The following UBA7 variants were observed in gnomAD, a reference collection of about 807,000 sequenced individuals.
UBA7 encodes the protein ubiquitin like modifier activating enzyme 7.
A neutral mutation model predicts 113.0 loss-of-function variants in UBA7; 88 were observed. That is an observed-to-expected ratio of 0.78 (90% CI 0.66 to 0.93). The LOEUF is 0.93. Ranked by LOEUF, UBA7 falls within the 40% of genes least tolerant of loss-of-function variation. UBA7 has a pLI of 0.00. For missense variants in UBA7, 1,092 were observed against 1,266.4 expected, an observed-to-expected ratio of 0.86 and a Z score of 2.09; for synonymous variants, 459 against 513.0, an observed-to-expected ratio of 0.89 and a Z score of 1.42.
rs114468755 is a variant in UBA7, at chr3:49,807,737, G to C, written c.2714C>G (p.Thr905Arg). 6.2e-7 allele frequency: 1 copy of C among 1,604,550 alleles called. No homozygotes were observed. Among genetic ancestry groups the C allele is most frequent in the South Asian group, 1.1e-5 (1 of 89,334 alleles). Residue 905 changes from threonine to arginine, a missense_variant and splice_region_variant, in exon 21 of 24, where the codon ACG becomes AGG. Physicochemically the swap from Thr to Arg is moderately conservative, Grantham distance 71. Coordinates refer to ENST00000333486, the MANE Select transcript of UBA7 (RefSeq NM_003335.3). The surrounding 1 kb of genome is among the most constrained non-coding windows in gnomAD (Gnocchi z 4.0). ...AAGGGTGGGGTATCATGGGCTCACC[G>C]TCTGGATGGCTGGGGCAAAAGGCAT... ...RYMPFAPAIQTFHHLKWTSWD... is the reference protein window; with the variant it reads ...RYMPFAPAIQRFHHLKWTSWD...
In UBA7 at chr3:49,813,494, G is replaced by A. The variant is rs760216441; in HGVS notation, c.210C>T (p.Ser70=). The A allele has an allele frequency of 2.9e-5, 46 of 1,613,654 alleles. No individual in the cohort carries two copies. The highest frequency in any genetic ancestry group is 3.6e-5 in the Non-Finnish European group (43 of 1,179,914). Residue 70 remains serine, a synonymous_variant, in exon 2 of 24, where the codon TCC becomes TCT. Transcript: ENST00000333486. ...TLHDPHPTCW[S]DLAAQFLLSE... ...GGACACTTACCTGGGCAGCCAGGTC[G>A]GACCAGCAGGTGGGGTGGGGATCAT...
At position 49,810,981 on chromosome 3, in the gene UBA7, C is replaced by T. The variant is rs28535523; in HGVS notation, c.1230+3G>A. On this transcript the variant is annotated splice_donor_region_variant and intron_variant, in intron 10 of 23. Transcript: ENST00000333486. This position sits in a 1 kb window ranked among gnomAD's most constrained non-coding sequence, Gnocchi z 5.6. Reference sequence around the variant, plus strand: ...GGCTTGCACCCCTATCCCAGGCTCTCACCAGGGCACAGTCCTCAGGACTGG... The same window carrying T: ...GGCTTGCACCCCTATCCCAGGCTCTTACCAGGGCACAGTCCTCAGGACTGG... The T allele has an allele frequency of 0.16, 259,343 of 1,613,772 alleles. 22,770 individuals are homozygous for T. The highest frequency in any genetic ancestry group is 0.24 in the African/African-American group (18,368 of 74,976).
rs2081580757 is a variant in UBA7 at position 49,813,385 on chromosome 3, T to C, written c.226-2A>G. 1.2e-6 allele frequency: 2 copies of C among 1,613,172 alleles called. No homozygotes were observed. Among genetic ancestry groups the C allele is most frequent in the Non-Finnish European group, 1.7e-6 (2 of 1,179,504 alleles). Reference sequence around the variant, plus strand: ...CAAGTCCTGCTCTGAGAGGAGAAACTAGGGAGAGAGCCAGTGCAGCCTGAG... The same window carrying C: ...CAAGTCCTGCTCTGAGAGGAGAAACCAGGGAGAGAGCCAGTGCAGCCTGAG... On this transcript the variant is annotated splice_acceptor_variant, in intron 2 of 23. Coordinates refer to ENST00000333486, the MANE Select transcript of UBA7 (RefSeq NM_003335.3). LOFTEE classifies it high-confidence loss of function.
chr3:49,807,141 A>T lies in UBA7; in HGVS notation c.2715+595T>A, dbSNP rs954597185. Among the ~76,000 whole-genome samples the T allele has an allele frequency of 2.6e-5, 4 of 152,128 alleles. No homozygotes were observed. The highest frequency in any genetic ancestry group is 4.4e-5 in the Non-Finnish European group (3 of 67,998). On this transcript the variant is annotated intron_variant, in intron 21 of 23. Coordinates refer to ENST00000333486, the MANE Select transcript of UBA7 (RefSeq NM_003335.3). The surrounding 1 kb of genome is among the most constrained non-coding windows in gnomAD (Gnocchi z 4.0). Reference sequence around the variant, plus strand: ...CACATGTGTGCCCACATGCATCTCCATGCATGCCCACATTGAGGACACAGG... The same window carrying T: ...CACATGTGTGCCCACATGCATCTCCTTGCATGCCCACATTGAGGACACAGG...
At position 49,807,363 on chromosome 3, in the gene UBA7, C is replaced by T. The variant is rs7619572; in HGVS notation, c.2715+373G>A. Among the ~76,000 whole-genome samples, 505 of 152,290 alleles carry T rather than the reference C, an allele frequency of 3.3e-3. 5 individuals are homozygous for T. The highest frequency in any genetic ancestry group is 0.011 in the African/African-American group (465 of 41,554). On this transcript the variant is annotated intron_variant, in intron 21 of 23. Coordinates refer to ENST00000333486, the MANE Select transcript of UBA7 (RefSeq NM_003335.3). The surrounding 1 kb of genome is among the most constrained non-coding windows in gnomAD (Gnocchi z 4.0). The stretch of plus-strand genomic sequence containing the variant: ...CTTGTAGGAGGTAGGCCAGGGCCCC[C>T]GTACCATGCAGGGGGAAGCTAGACT...
In UBA7 at chr3:49,807,736, C is replaced by G. The variant is rs1205522616; in HGVS notation, c.2715G>C (p.Thr905=). The G allele has an allele frequency of 6.2e-7, 1 of 1,603,240 alleles. No individual in the cohort carries two copies. Among genetic ancestry groups the G allele is most frequent in the Admixed American group, 1.7e-5 (1 of 59,378 alleles). The change falls in exon 21 of 24, where the codon ACG becomes ACC. Residue 905 remains threonine, a splice_region_variant and synonymous_variant. Coordinates refer to ENST00000333486, the MANE Select transcript of UBA7 (RefSeq NM_003335.3). This position sits in a 1 kb window ranked among gnomAD's most constrained non-coding sequence, Gnocchi z 4.0. Reference sequence around the variant, plus strand: ...TAAGGGTGGGGTATCATGGGCTCACCGTCTGGATGGCTGGGGCAAAAGGCA... The same window carrying G: ...TAAGGGTGGGGTATCATGGGCTCACGGTCTGGATGGCTGGGGCAAAAGGCA... ...RYMPFAPAIQ[T]FHHLKWTSWD...
chr3:49,812,723 G>A lies in UBA7; in HGVS notation c.483C>T (p.Asp161=), dbSNP rs540966234. 3 of 1,614,220 alleles carry A rather than the reference G, an allele frequency of 1.9e-6. No individual in the cohort carries two copies. Among genetic ancestry groups the A allele is most frequent in the African/African-American group, 2.7e-5 (2 of 75,056 alleles). Residue 161 remains aspartate (D), a synonymous_variant, in exon 5 of 24, where the codon GAC becomes GAT. Coordinates refer to ENST00000333486, the MANE Select transcript of UBA7 (RefSeq NM_003335.3). ...TRGLVGQLFC[D]FGEDFTVQDP... is the part of the protein sequence containing the mutation. The stretch of plus-strand genomic sequence containing the variant: ...CCTGCACAGTGAAGTCCTCACCAAA[G>A]TCACAGAACAACTGCCTGAGATGGG...
In UBA7 at chr3:49,812,428, G is replaced by A. The variant is rs1462351736; in HGVS notation, c.674C>T (p.Pro225Leu). The A allele has an allele frequency of 1.2e-6, 2 of 1,614,098 alleles. No homozygotes were observed. Among genetic ancestry groups the A allele is most frequent in the Non-Finnish European group, 1.7e-6 (2 of 1,180,048 alleles). ...EGMVELNDCD[P>L]RSIHVREDGS... is the part of the protein sequence containing the mutation. ...CTTACCCCGCACGTGGATAGACCGGGGATCACAGTCGTTGAGCTCAACCAT... is the reference window on the plus strand; with the variant it reads ...CTTACCCCGCACGTGGATAGACCGGAGATCACAGTCGTTGAGCTCAACCAT... The change falls in exon 6 of 24, where the codon CCC becomes CTC. Residue 225 changes from proline to leucine, a missense_variant. Physicochemically the swap from Pro to Leu is moderately conservative, Grantham distance 98. This residue lies in a region of UBA7 where 584 missense variants were observed against 714.5 expected (regional missense o/e 0.82). Transcript: ENST00000333486.
chr3:49,811,389 G>T lies in UBA7; in HGVS notation c.1006C>A (p.Pro336Thr). ...GCCTCATCCAGTGGCTCTTCCAGTG[G>T]CTCTTCCTCTGTCCGCTTCAGTGGT... Reference protein sequence around the residue: ...LEPLKRTEEEPLEEPLDEALV... With the variant: ...LEPLKRTEEETLEEPLDEALV... Residue 336 changes from proline (P) to threonine (T), a missense_variant, in exon 9 of 24, where the codon CCA (proline) becomes ACA (threonine). Physicochemically the swap from Pro to Thr is conservative, Grantham distance 38. This residue lies in a region of UBA7 where 584 missense variants were observed against 714.5 expected (regional missense o/e 0.82). Coordinates refer to ENST00000333486, the MANE Select transcript of UBA7 (RefSeq NM_003335.3). The T allele has an allele frequency of 6.2e-7, 1 of 1,613,158 alleles. No individual in the cohort carries two copies. The highest frequency in any genetic ancestry group is 8.5e-7 in the Non-Finnish European group (1 of 1,179,640).
Position 49,806,149 on chromosome 3 carries a change from C to A in UBA7, c.2732G>T (p.Trp911Leu). ...PAIQTFHHLK[W>L]TSWDRLKVPA... is the part of the protein sequence containing the mutation. The stretch of plus-strand genomic sequence containing the variant: ...TACCTTCAGACGGTCCCAAGAGGTC[C>A]ACTTCAGGTGATGGAACTGGGATGA... Residue 911 changes from tryptophan to leucine, a missense_variant, in exon 22 of 24, where the codon TGG (tryptophan) becomes TTG (leucine). Around this residue, in one of 3 missense-constraint regions of UBA7, gnomAD observed 500 missense variants for 529.3 expected, o/e 0.94. Transcript: ENST00000333486. 1 of 1,600,614 alleles carries A rather than the reference C, an allele frequency of 6.2e-7. No individual in the cohort carries two copies. Among genetic ancestry groups the A allele is most frequent in the East Asian group, 2.2e-5 (1 of 44,470 alleles).
Position 49,809,371 on chromosome 3 carries a change from C to T in UBA7, c.2163+19G>A, listed in dbSNP as rs2081504555. On this transcript the variant is annotated intron_variant, in intron 17 of 23. Transcript: ENST00000333486. ...GGGCCACATCTCTATCTTGGAGCTCCCTACAGAATCCCACTCACTTGGTTG... is the reference window on the plus strand; with the variant it reads ...GGGCCACATCTCTATCTTGGAGCTCTCTACAGAATCCCACTCACTTGGTTG... 6.2e-7 allele frequency: 1 copy of T among 1,612,896 alleles called. No homozygotes were observed. The highest frequency in any genetic ancestry group is 1.7e-5 in the Admixed American group (1 of 59,904).
intron 4 of UBA7, 61 bp downstream of exon 4, chr3:49,813,001 G>C: frequency 6.4e-7 from 1 of 1,564,964 alleles, no homozygotes; most frequent in South Asian, 1.2e-5. Flanking sequence ...CTGGAGCTGA[G>C]GACAGCATGA....
Position 49,813,313 on chromosome 3 carries a change from T to C in UBA7, c.296A>G (p.Asn99Ser). 5 of 1,614,214 alleles carry C rather than the reference T, an allele frequency of 3.1e-6. No individual in the cohort carries two copies. The highest frequency in any genetic ancestry group is 4.2e-6 in the Non-Finnish European group (5 of 1,180,032). The change falls in exon 3 of 24, where the codon AAC (asparagine) becomes AGC (serine). Residue 99 changes from asparagine (N) to serine (S), a missense_variant. Asn to Ser is a conservative substitution (Grantham distance 46). This residue lies in a region of UBA7 where 584 missense variants were observed against 714.5 expected (regional missense o/e 0.82). Transcript: ENST00000333486. ...GTGCACGACGACCTGGACAGCTCTG[T>C]TGAGCTGAGCCAAGAGCTCTTGAGA... ...EASQELLAQL[N>S]RAVQVVVHTG...
chr3:49,811,249 C>T (rs1297050085), intron 9 of UBA7, 24 bp downstream of exon 9: 2 of 1,613,416 alleles, frequency 1.2e-6, no homozygotes, highest in African/African-American at 2.7e-5. Context: ...TCCCAGTACC[C>T]CCCACACCTA....
rs1408161600 is a variant in UBA7, at chr3:49,805,338, A to G, written c.3009T>C (p.Thr1003=). ...ELSCEGDDED[T]AFPPLHYEL is the part of the protein sequence containing the mutation. ...GCTCATAGTGCAGAGGTGGGAAGGC[A>G]GTGTCCTCGTCGTCACCCTCACAGC... Residue 1003 remains threonine, a synonymous_variant, in exon 24 of 24, where the codon ACT becomes ACC. Transcript: ENST00000333486. The G allele has an allele frequency of 6.2e-7, 1 of 1,613,878 alleles. No homozygotes were observed.
Position 49,813,857 on chromosome 3 carries a change from A to C in UBA7, c.-70T>G. On this transcript the variant is annotated 5_prime_UTR_variant, in exon 1 of 24. Transcript: ENST00000333486. ...GGGTCTTTGTGTAGGTGGCGGTGAC[A>C]GTAGGGGCCAGTGCCCTGCTGTAGC... 1 of 1,569,554 alleles carries C rather than the reference A, an allele frequency of 6.4e-7. No individual in the cohort carries two copies. Among genetic ancestry groups the C allele is most frequent in the Non-Finnish European group, 8.7e-7 (1 of 1,148,694 alleles).
At position 49,810,730 on chromosome 3, in the gene UBA7, C is replaced by T; in HGVS notation, c.1311+22G>A. 1 of 1,614,160 alleles carries T rather than the reference C, an allele frequency of 6.2e-7. No individual in the cohort carries two copies. Among genetic ancestry groups the T allele is most frequent in the Non-Finnish European group, 8.5e-7 (1 of 1,180,006 alleles). ...TGGGCTGGCTCTCCCAAAGGCACCC[C>T]CAGTCTCACCCCACAGCTCACCAGG... On this transcript the variant is annotated intron_variant, in intron 11 of 23. Coordinates refer to ENST00000333486, the MANE Select transcript of UBA7 (RefSeq NM_003335.3). This position sits in a 1 kb window ranked among gnomAD's most constrained non-coding sequence, Gnocchi z 5.6.
Position 49,807,215 on chromosome 3 carries a change from C to T in UBA7, c.2715+521G>A, listed in dbSNP as rs973987242. Reference sequence around the variant, plus strand: ...TCTGATGCACAGATGTGCAAACTTGCTCCTTCCATACCCACACTCCGGGGA... The same window carrying T: ...TCTGATGCACAGATGTGCAAACTTGTTCCTTCCATACCCACACTCCGGGGA... On this transcript the variant is annotated intron_variant, in intron 21 of 23. Transcript: ENST00000333486. The surrounding 1 kb of genome is among the most constrained non-coding windows in gnomAD (Gnocchi z 4.0). Among the ~76,000 whole-genome samples the T allele has an allele frequency of 2.0e-5, 3 of 152,216 alleles. No homozygotes were observed. Among genetic ancestry groups the T allele is most frequent in the Non-Finnish European group, 4.4e-5 (3 of 68,030 alleles).
chr3:49,810,189 A>T lies in UBA7; in HGVS notation c.1634-6T>A. On this transcript the variant is annotated splice_region_variant and splice_polypyrimidine_tract_variant and intron_variant, in intron 13 of 23. Coordinates refer to ENST00000333486, the MANE Select transcript of UBA7 (RefSeq NM_003335.3). This position sits in a 1 kb window ranked among gnomAD's most constrained non-coding sequence, Gnocchi z 5.6. ...ACGAGCAGCCACATAGCGCCCTGGC[A>T]AGGGAGCAGTGGGTCAGAAGTGGGA... 1 of 1,613,058 alleles carries T rather than the reference A, an allele frequency of 6.2e-7. No homozygotes were observed. The highest frequency in any genetic ancestry group is 8.5e-7 in the Non-Finnish European group (1 of 1,179,590).
Sources: gnomAD v4.1 joint callset for allele counts (sites outside exome capture counted in the v4.1 genomes callset) on GRCh38, gnomAD v4.1.1 for gene constraint, gnomAD v4.1.1 regional missense constraint, Gnocchi (gnomAD v3.1) non-coding constraint, MANE v1.5 for transcripts, NCBI Gene and HGNC (gene_info 2026-07-23, HGNC 2026-07-21) for gene names.